The following NXPE4 variants were observed in gnomAD, a reference collection of about 807,000 sequenced individuals.
The protein encoded by NXPE4 is neurexophilin and PC-esterase domain family member 4, also known as NXPE family member 4.
In NXPE4, 42 loss-of-function variants were observed where a neutral mutation model predicts 33.3. That is an observed-to-expected ratio of 1.26 (90% confidence interval 0.98 to 1.63). The LOEUF (loss-of-function observed/expected upper bound fraction) is 1.63, where lower values mean the gene tolerates loss of function less well. Among genes scored for constraint, NXPE4 ranks in the 40% most tolerant of loss-of-function variants. The probability of loss-of-function intolerance (pLI) is 0.00; values close to 1 mark genes in which losing one functional copy is unlikely to be tolerated. For missense variants in NXPE4, 709 were observed against 647.6 expected, an observed-to-expected ratio of 1.09 and a Z score of -1.03; for synonymous variants, 253 against 234.9, an observed-to-expected ratio of 1.08 and a Z score of -0.71.
chr11:114,627,615 C>T, the NXPE4 span, among the ~76,000 whole-genome samples: 8 of 151,054 alleles, frequency 5.3e-5, no homozygotes, highest in South Asian at 1.1e-3. Context: ...TATCAACTAA[C>T]GAGCAAAATA....
the NXPE4 span, among the ~76,000 whole-genome samples, chr11:114,602,449 T>A: frequency 6.7e-5 from 9 of 134,380 alleles, no homozygotes; most frequent in Admixed American, 1.7e-4. Context: ...ATATAATATA[T>A]ATTATAAATA....
At chr11:114,608,569 A>G in the NXPE4 span, among the ~76,000 whole-genome samples, 3 of 151,352 alleles carry the variant, frequency 2.0e-5, no homozygotes, top group Non-Finnish European at 4.4e-5. Flanking sequence ...GTGTGTATCC[A>G]CTGATACCCA....
chr11:114,665,811 A>G, the NXPE4 span, among the ~76,000 whole-genome samples: 1 of 152,168 alleles, frequency 6.6e-6, no homozygotes, highest in South Asian at 2.1e-4. Context: ...TTCCCTTCCT[A>G]TCACATTACT....
At chr11:114,617,875 C>G in the NXPE4 span, among the ~76,000 whole-genome samples, 1 of 152,048 alleles carries the variant, frequency 6.6e-6, no homozygotes, top group Non-Finnish European at 1.5e-5. Flanking sequence ...CATGGGTAAC[C>G]ACTCTTACCT....
the NXPE4 span, among the ~76,000 whole-genome samples, chr11:114,636,098 A>G: frequency 4.1e-4 from 2 of 4,820 alleles, no homozygotes; most frequent in Non-Finnish European, 7.3e-4. Flanking sequence ...CTGGTCCTGG[A>G]CTCTTTCGTT....
At chr11:114,597,533 G>A (rs1240913085), upstream of NXPE4, among the ~76,000 whole-genome samples, 3 of 152,070 alleles carry the variant, frequency 2.0e-5, no homozygotes, top group African/African-American at 7.2e-5. Flanking sequence ...TGCATACATG[G>A]GTTCATGCAC....
chr11:114,613,149 A>G, the NXPE4 span, among the ~76,000 whole-genome samples: 1 of 151,280 alleles, frequency 6.6e-6, no homozygotes, highest in African/African-American at 2.4e-5. Context: ...CTCATAGATA[A>G]CGACTGTTAC....
intron 2 of NXPE4, chr11:114,583,609 A>G (rs1380723766): frequency 1.7e-6 from 1 of 594,164 alleles, no homozygotes; most frequent in Non-Finnish European, 3.3e-6. Flanking sequence ...GCTCTGTGGC[A>G]AGTGCTGTGA....
the NXPE4 span, among the ~76,000 whole-genome samples, chr11:114,634,113 C>T: frequency 2.0e-5 from 3 of 151,572 alleles, no homozygotes; most frequent in Admixed American, 6.6e-5. Context: ...TCCACATCCT[C>T]TCCAGCACCT....
chr11:114,622,829 A>C, the NXPE4 span, among the ~76,000 whole-genome samples: 1 of 151,824 alleles, frequency 6.6e-6, no homozygotes, highest in African/African-American at 2.4e-5. Flanking sequence ...ACTCTTACCC[A>C]GTGGATAGTA....
upstream of NXPE4, among the ~76,000 whole-genome samples, chr11:114,600,017 A>G (rs139393952): frequency 8.2e-4 from 125 of 152,318 alleles, no homozygotes; most frequent in Non-Finnish European, 1.4e-3. Context: ...AAGAATTCCA[A>G]CTAACAAATA....
chr11:114,594,620 C>A (rs375538096), intron 2 of NXPE4, 44 bp downstream of exon 2: 1 of 1,302,962 alleles, frequency 7.7e-7, no homozygotes, highest in Non-Finnish European at 1.1e-6. Context: ...AGGTAATAAG[C>A]AAAAATAAGC....
the NXPE4 span, among the ~76,000 whole-genome samples, chr11:114,618,012 G>T: frequency 1.3e-5 from 2 of 151,070 alleles, no homozygotes; most frequent in African/African-American, 2.4e-5. Context: ...AGTGTTACCC[G>T]CTGGATAATA....
At chr11:114,616,160 T>C in the NXPE4 span, among the ~76,000 whole-genome samples, 1 of 149,894 alleles carries the variant, frequency 6.7e-6, no homozygotes, top group Non-Finnish European at 1.5e-5. Context: ...TGGGTAACCA[T>C]GGTTACCCTG....
At chr11:114,586,618 T>C (rs639324) in intron 2 of NXPE4, among the ~76,000 whole-genome samples, 111,052 of 151,952 alleles carry the variant, frequency 0.73, 40,927 homozygotes, top group African/African-American at 0.82. Context: ...CAGAGAGCCT[T>C]GCTGTCATGT....
chr11:114,589,710 A>T (rs528575681), intron 2 of NXPE4, among the ~76,000 whole-genome samples: 2 of 152,134 alleles, frequency 1.3e-5, no homozygotes, highest in African/African-American at 4.8e-5. Flanking sequence ...TATCCTAATG[A>T]TCCCACTTTT....
chr11:114,645,242 A>G, the NXPE4 span, among the ~76,000 whole-genome samples: 1 of 152,158 alleles, frequency 6.6e-6, no homozygotes, highest in Non-Finnish European at 1.5e-5. Context: ...CAGAAGCTGC[A>G]GTGAGCTGAG....
At chr11:114,627,720 T>C in the NXPE4 span, among the ~76,000 whole-genome samples, 2,820 of 152,024 alleles carry the variant, frequency 0.019, 88 homozygotes, top group African/African-American at 0.064. Flanking sequence ...AAGACACAGA[T>C]TGGCAAATTG....
At position 114,570,889 on chromosome 11, in the gene NXPE4, T is replaced by C; in HGVS notation, c.*49A>G. 1.5e-6 allele frequency: 2 copies of C among 1,339,644 alleles called. No individual in the cohort carries two copies. The highest frequency in any genetic ancestry group is 2.9e-5 in the South Asian group (2 of 68,272). 83.0% of individuals were successfully genotyped at this position (1,339,644 alleles called of 1,614,324 possible). A position where few individuals can be genotyped will look rare whatever the true frequency, so the allele number is the denominator to read the frequency against. On this transcript the variant is annotated 3_prime_UTR_variant, in exon 6 of 6. Transcript: ENST00000375478. ...CAGCATCTGGCCTGCTAGTAGACAG[T>C]CAATAAATTTTTTTACTTAAGTGAA...
Sources: gnomAD v4.1 joint callset for allele counts (sites outside exome capture counted in the v4.1 genomes callset) on GRCh38, gnomAD v4.1.1 for gene constraint, MANE v1.5 for transcripts, NCBI Gene and HGNC (gene_info 2026-07-23, HGNC 2026-07-21) for gene names.